The following FOXN1 variants were observed in gnomAD, a reference collection of about 807,000 sequenced individuals.
The protein encoded by FOXN1 is forkhead box protein N1.
FOXN1 carries 15 observed loss-of-function variants against 49.0 expected under a neutral mutation model. The observed-to-expected ratio is 0.31, with a 90% CI of 0.20 to 0.47. FOXN1 has a LOEUF of 0.47. FOXN1 is among the 20% of genes least tolerant of loss of function. The pLI is 1.00. For missense variants in FOXN1, 800 were observed against 842.8 expected, an observed-to-expected ratio of 0.95 and a Z score of 0.63; for synonymous variants, 356 against 369.0, an observed-to-expected ratio of 0.96 and a Z score of 0.40.
intron 1 of FOXN1, among the ~76,000 whole-genome samples, chr17:28,517,468 T>C (rs375495391): frequency 0.015 from 1,148 of 75,592 alleles, 1 homozygote; most frequent in East Asian, 0.083. Context: ...CACACCTCCA[T>C]AGGGTACACA....
chr17:28,521,558 C>A (rs1261172827), intron 1 of FOXN1, among the ~76,000 whole-genome samples: 1 of 152,246 alleles, frequency 6.6e-6, no homozygotes, highest in Admixed American at 6.5e-5. Context: ...TGTGGTGTCC[C>A]GTTACGGCCA....
At chr17:28,508,445 C>T (rs957615615) in intron 1 of FOXN1, among the ~76,000 whole-genome samples, 5 of 152,216 alleles carry the variant, frequency 3.3e-5, no homozygotes, top group African/African-American at 9.7e-5. Flanking sequence ...TCCTTTCCCC[C>T]CATCCCCCAG....
chr17:28,513,676 G>T (rs952839488), intron 1 of FOXN1, among the ~76,000 whole-genome samples: 1 of 152,244 alleles, frequency 6.6e-6, no homozygotes, highest in East Asian at 1.9e-4. Flanking sequence ...GCAGGGGGCC[G>T]GTCCAGGCAT....
At chr17:28,506,653 G>T (rs1394962623) in intron 1 of FOXN1, among the ~76,000 whole-genome samples, 1 of 152,248 alleles carries the variant, frequency 6.6e-6, no homozygotes, top group Non-Finnish European at 1.5e-5. Flanking sequence ...CCTTTTCTAG[G>T]TTGTCCAACT....
intron 1 of FOXN1, among the ~76,000 whole-genome samples, chr17:28,510,580 G>GCACACA (rs5819850): frequency 1.9e-4 from 26 of 138,182 alleles, no homozygotes; most frequent in Non-Finnish European, 3.4e-4. Flanking sequence ...GCACACACAC[G>GCACACA]CACACACACA....
At position 28,534,668 on chromosome 17, in the gene FOXN1, G is replaced by A. The variant is rs759656126; in HGVS notation, c.1136-39G>A. On this transcript the variant is annotated intron_variant, in intron 7 of 8. Coordinates refer to ENST00000579795, the MANE Select transcript of FOXN1 (RefSeq NM_001369369.1). The surrounding 1 kb of genome is among the most constrained non-coding windows in gnomAD (Gnocchi z 4.1). ...CAGTCTGGGGAAGACTGTGGAGGAG[G>A]GAGGTCTCATGGTGTTCTTTCTCTC... is the stretch of plus-strand genomic sequence containing the variant. The A allele has an allele frequency of 1.8e-5, 29 of 1,612,722 alleles. No homozygotes were observed. In the Middle Eastern group the frequency reaches 6.6e-4, roughly 37 times the overall value.
chr17:28,529,033 A>G (rs2151491768), intron 4 of FOXN1, 61 bp from the exon 5 acceptor site: 2 of 1,607,252 alleles, frequency 1.2e-6, no homozygotes, highest in Non-Finnish European at 1.7e-6. Flanking sequence ...AATGGGGAGG[A>G]GGGCCCTCCT....
chr17:28,514,859 C>A (rs556751780), intron 1 of FOXN1, among the ~76,000 whole-genome samples: 100 of 152,176 alleles, frequency 6.6e-4, no homozygotes, highest in Non-Finnish European at 1.2e-3. Flanking sequence ...CAGGGACAGA[C>A]CCTCCCAAGG....
intron 4 of FOXN1, 34 bp downstream of exon 4, chr17:28,527,395 G>C: frequency 1.6e-6 from 2 of 1,220,190 alleles, no homozygotes; most frequent in South Asian, 1.2e-5. Context: ...GCTTCCCCCA[G>C]GTCTGAGGAT....
rs1298790408 is a variant in FOXN1 at position 28,534,570 on chromosome 17, C to T, written c.1135+32C>T. 3 of 1,607,912 alleles carry T rather than the reference C, an allele frequency of 1.9e-6. No individual in the cohort carries two copies. In the Admixed American group the frequency reaches 5.1e-5, roughly 27 times the overall value. ...CCGGCCGGGCCACGCAAGGAAGGGC[C>T]CAGGGTACTCATGAGCCAAAAAAAA... On this transcript the variant is annotated intron_variant, in intron 7 of 8. Coordinates refer to ENST00000579795, the MANE Select transcript of FOXN1 (RefSeq NM_001369369.1). This position sits in a 1 kb window ranked among gnomAD's most constrained non-coding sequence, Gnocchi z 4.1.
Position 28,523,925 on chromosome 17 carries a change from C to T in FOXN1, c.-14-31C>T, listed in dbSNP as rs374395589. On this transcript the variant is annotated intron_variant, in intron 1 of 8. Coordinates refer to ENST00000579795, the MANE Select transcript of FOXN1 (RefSeq NM_001369369.1). ...GGTTGGTCCCCACTGGATGCTGGTC[C>T]TCACTCTCATGGCAGACGGCTTTCT... is the stretch of plus-strand genomic sequence containing the variant. The T allele has an allele frequency of 1.5e-4, 248 of 1,612,976 alleles. 1 individual carries two copies. The African/African-American group carries it at 3.1e-3, about 20-fold the overall frequency.
At chr17:28,508,811 C>G (rs574178346) in intron 1 of FOXN1, among the ~76,000 whole-genome samples, 5 of 152,162 alleles carry the variant, frequency 3.3e-5, no homozygotes, top group African/African-American at 9.7e-5. Flanking sequence ...GGACCGAGGT[C>G]CTGCAGGTAT....
intron 8 of FOXN1, among the ~76,000 whole-genome samples, chr17:28,536,780 G>C (rs2070074901): frequency 6.6e-6 from 1 of 152,100 alleles, no homozygotes; most frequent in Non-Finnish European, 1.5e-5. Flanking sequence ...TGGGAGACTG[G>C]GCATGAGCCA....
At chr17:28,515,065 C>A (rs2069467625) in intron 1 of FOXN1, among the ~76,000 whole-genome samples, 1 of 152,104 alleles carries the variant, frequency 6.6e-6, no homozygotes, top group African/African-American at 2.4e-5. Flanking sequence ...GTTTCCTCAT[C>A]TATAAAATGG....
intron 1 of FOXN1, among the ~76,000 whole-genome samples, chr17:28,507,339 G>A (rs893702299): frequency 9.9e-5 from 15 of 152,182 alleles, no homozygotes; most frequent in African/African-American, 3.1e-4. Context: ...AAGCCCGTTG[G>A]ATGAAGAGTA....
At chr17:28,529,574 C>T (rs143070091) in intron 5 of FOXN1, among the ~76,000 whole-genome samples, 2,102 of 152,270 alleles carry the variant, frequency 0.014, 19 homozygotes, top group Non-Finnish European at 0.021. Context: ...CGGAAACAGA[C>T]GGAAGCCCCC....
chr17:28,510,570 GCACACACACGCACACA>G (rs1230152214), intron 1 of FOXN1, among the ~76,000 whole-genome samples: 17 of 79,498 alleles, frequency 2.1e-4, no homozygotes, highest in Non-Finnish European at 3.9e-4. Context: ...ACACACACAC[GCACACACACGCACACA>G]CACACACACA....
intron 1 of FOXN1, among the ~76,000 whole-genome samples, chr17:28,511,792 G>C (rs2069402859): frequency 6.6e-6 from 1 of 152,086 alleles, no homozygotes; most frequent in Non-Finnish European, 1.5e-5. Context: ...CTCACTGTGA[G>C]GGAAAAGGGG....
chr17:28,514,397 T>C lies in FOXN1; in HGVS notation c.-15+7954T>C, dbSNP rs115905860. Among the ~76,000 whole-genome samples, 510 of 152,278 alleles carry C rather than the reference T, an allele frequency of 3.3e-3. 2 individuals are homozygous for C. The highest frequency in any genetic ancestry group is 0.012 in the African/African-American group (483 of 41,554). On this transcript the variant is annotated intron_variant, in intron 1 of 8. Transcript: ENST00000579795. ...GCAACCCATTTTCCGAAACTGATGC[T>C]GGGTTAAGAGCCAGGGAGGCCAGAA...
Sources: gnomAD v4.1 joint callset for allele counts (sites outside exome capture counted in the v4.1 genomes callset) on GRCh38, gnomAD v4.1.1 for gene constraint, Gnocchi (gnomAD v3.1) non-coding constraint, MANE v1.5 for transcripts, NCBI Gene and HGNC (gene_info 2026-07-23, HGNC 2026-07-21) for gene names.